SMOC1: variants seen among roughly 807,000 people sequenced by gnomAD.
SMOC1 encodes the protein SPARC related modular calcium binding 1, also known as SPARC-related modular calcium-binding protein 1.
Under a neutral mutation model 56.3 loss-of-function variants are expected in SMOC1, and 22 were observed. The observed-to-expected ratio is 0.39, with a 90% CI of 0.28 to 0.56. The LOEUF (loss-of-function observed/expected upper bound fraction) is 0.56, where lower values mean the gene tolerates loss of function less well. Among genes scored for constraint, SMOC1 ranks in the 20% least tolerant of loss-of-function variants. SMOC1 has a pLI of 0.61. For synonymous variants in SMOC1, 193 were observed against 215.0 expected, an observed-to-expected ratio of 0.90 and a Z score of 0.89; for missense variants, 509 against 565.4, an observed-to-expected ratio of 0.90 and a Z score of 1.01.
At chr14:70,017,695 C>A (rs565072931) in intron 10 of SMOC1, among the ~76,000 whole-genome samples, 1 of 152,144 alleles carries the variant, frequency 6.6e-6, no homozygotes, top group Non-Finnish European at 1.5e-5. Flanking sequence ...CGTTTCAACC[C>A]GCCCCTGGTA....
chr14:69,947,086 G>A (rs977072989), intron 1 of SMOC1, among the ~76,000 whole-genome samples: 4 of 111,828 alleles, frequency 3.6e-5, no homozygotes, highest in Non-Finnish European at 7.6e-5. Flanking sequence ...GTCTCAGGCC[G>A]GCCTTCCTTC....
At chr14:69,953,815 G>A (rs948467721) in intron 3 of SMOC1, among the ~76,000 whole-genome samples, 2 of 152,090 alleles carry the variant, frequency 1.3e-5, no homozygotes, top group African/African-American at 4.8e-5. Context: ...CTCCTTGGAG[G>A]GCCAGACCTG....
chr14:70,017,125 G>A (rs1249195055), intron 10 of SMOC1, among the ~76,000 whole-genome samples: 2 of 152,200 alleles, frequency 1.3e-5, no homozygotes, highest in African/African-American at 4.8e-5. Flanking sequence ...AGGGACGGGG[G>A]ATAGATGGAT....
chr14:69,903,253 G>A (rs1025716629), intron 1 of SMOC1, among the ~76,000 whole-genome samples: 4 of 151,500 alleles, frequency 2.6e-5, no homozygotes, highest in East Asian at 1.9e-4. Context: ...TGTGAGGAGC[G>A]CCTCTGCCCA....
chr14:69,935,464 C>T (rs921166014), intron 1 of SMOC1, among the ~76,000 whole-genome samples: 4 of 152,222 alleles, frequency 2.6e-5, no homozygotes, highest in African/African-American at 9.6e-5. Context: ...TGTATTTTAA[C>T]CTAGCCTAAG....
At chr14:69,962,277 C>G (rs537656529) in intron 3 of SMOC1, among the ~76,000 whole-genome samples, 2 of 152,146 alleles carry the variant, frequency 1.3e-5, no homozygotes, top group East Asian at 3.9e-4. Flanking sequence ...ATTCTCCTGA[C>G]TCAGCCTCTG....
intron 7 of SMOC1, 97 bp from the exon 8 acceptor site, chr14:70,010,657 C>A: frequency 2.3e-6 from 3 of 1,318,652 alleles, no homozygotes; most frequent in Non-Finnish European, 3.3e-6. Context: ...TGGGTCCAGG[C>A]CTGGTCCTTG....
chr14:69,952,108 T>C, intron 1 of SMOC1, 30 bp from the exon 2 acceptor site: 1 of 1,613,724 alleles, frequency 6.2e-7, no homozygotes, highest in South Asian at 1.1e-5. Flanking sequence ...AAAAGTAACC[T>C]CTGTACCCTT....
intron 3 of SMOC1, among the ~76,000 whole-genome samples, chr14:69,955,324 C>T (rs1883145098): frequency 6.6e-6 from 1 of 152,098 alleles, no homozygotes; most frequent in African/African-American, 2.4e-5. Flanking sequence ...GAGCCGGACA[C>T]CTGGGCACGA....
At chr14:70,021,805 G>T (rs28559680) in intron 10 of SMOC1, among the ~76,000 whole-genome samples, 5,913 of 152,254 alleles carry the variant, frequency 0.039, 137 homozygotes, top group Non-Finnish European at 0.044. Context: ...TGTTCACAGG[G>T]GAGGGGTCAG....
intron 11 of SMOC1, among the ~76,000 whole-genome samples, chr14:70,025,399 G>A (rs1028041701): frequency 2.6e-5 from 4 of 152,138 alleles, no homozygotes; most frequent in Admixed American, 6.5e-5. Context: ...CGCCCGCCCC[G>A]CCATGGCTGG....
chr14:69,944,882 A>AT (rs58849772), intron 1 of SMOC1, among the ~76,000 whole-genome samples: 1 of 152,056 alleles, frequency 6.6e-6, no homozygotes. Flanking sequence ...CCTCTTAGAG[A>AT]TTTTTTTCAT....
chr14:69,982,424 G>A (rs572415198), intron 5 of SMOC1, among the ~76,000 whole-genome samples: 1 of 152,306 alleles, frequency 6.6e-6, no homozygotes, highest in East Asian at 1.9e-4. Flanking sequence ...TTAGAGCTGG[G>A]TCTACAGGTT....
In SMOC1 at chr14:69,994,423, A is replaced by G; in HGVS notation, c.607A>G (p.Ile203Val). The change falls in exon 7 of 12, where the codon ATT (isoleucine) becomes GTT (valine). Residue 203 changes from isoleucine to valine, a missense_variant. Transcript: ENST00000361956. Reference protein sequence around the residue: ...GDEITAPTLWIKHLVIKDSKL... With the variant: ...GDEITAPTLWVKHLVIKDSKL... ...AGAAATCACAGCCCCAACTCTATGGATTAAACACTTGGTGATCAAGGACTC... is the reference window on the plus strand; with the variant it reads ...AGAAATCACAGCCCCAACTCTATGGGTTAAACACTTGGTGATCAAGGACTC... 2 of 1,614,046 alleles carry G rather than the reference A, an allele frequency of 1.2e-6. No individual in the cohort carries two copies. Among genetic ancestry groups the G allele is most frequent in the South Asian group, 1.1e-5 (1 of 91,072 alleles).
chr14:70,020,516 C>T lies in SMOC1; in HGVS notation c.1047-2687C>T, dbSNP rs144463981. Among the ~76,000 whole-genome samples the T allele has an allele frequency of 1.4e-3, 220 of 152,250 alleles. 5 individuals are homozygous for T. Among genetic ancestry groups the T allele is most frequent in the African/African-American group, 6.5e-4 (27 of 41,530 alleles). ...GGAGGAAGGAAGGCAACAGGACCCT[C>T]GGGCCTCACAGGGCAGGCTGTGAGT... On this transcript the variant is annotated intron_variant, in intron 10 of 11. Coordinates refer to ENST00000361956, the MANE Select transcript of SMOC1 (RefSeq NM_001034852.3).
chr14:69,931,441 T>C (rs758661480), intron 1 of SMOC1, among the ~76,000 whole-genome samples: 4 of 152,228 alleles, frequency 2.6e-5, no homozygotes, highest in Non-Finnish European at 5.9e-5. Flanking sequence ...TCTTCCTTGT[T>C]TGTTGGTCTT....
chr14:70,016,226 CTGA>C (rs1885506841), intron 10 of SMOC1, among the ~76,000 whole-genome samples: 1 of 152,190 alleles, frequency 6.6e-6, no homozygotes, highest in Non-Finnish European at 1.5e-5. Flanking sequence ...GCAATGAAAG[CTGA>C]GAAATTTATA....
chr14:70,030,193 GC>G, intron 11 of SMOC1, 48 bp from the exon 12 acceptor site: 1 of 1,598,544 alleles, frequency 6.3e-7, no homozygotes, highest in East Asian at 2.3e-5. Flanking sequence ...GCTTATATCT[GC>G]CCCCGACCTT....
chr14:69,881,427 A>ATATG (rs1883635388), intron 1 of SMOC1, among the ~76,000 whole-genome samples: 1 of 151,522 alleles, frequency 6.6e-6, no homozygotes, highest in African/African-American at 2.4e-5. Context: ...CTCAAGCCAT[A>ATATG]TGGCTCTCCT....
Sources: allele counts gnomAD v4.1 joint callset (sites outside exome capture counted in the v4.1 genomes callset), GRCh38; gene constraint gnomAD v4.1.1; transcripts MANE v1.5; gene names NCBI Gene and HGNC (gene_info 2026-07-23, HGNC 2026-07-21).